ROBO1: variants seen among roughly 807,000 people sequenced by gnomAD.
ROBO1 encodes roundabout homolog 1.
In ROBO1, 149 loss-of-function variants were observed where a neutral mutation model predicts 195.9. The observed-to-expected ratio is 0.76, with a 90% CI of 0.67 to 0.87. ROBO1 has a LOEUF of 0.87. Among genes scored for constraint, ROBO1 ranks in the 40% least tolerant of loss-of-function variants. The pLI is 0.00. For synonymous variants in ROBO1, 816 were observed against 733.2 expected, an observed-to-expected ratio of 1.11 and a Z score of -1.82; for missense variants, 1,933 against 2,068.3, an observed-to-expected ratio of 0.93 and a Z score of 1.27.
chr3:79,308,950 T>G (rs998423224), intron 2 of ROBO1, among the ~76,000 whole-genome samples: 1 of 152,196 alleles, frequency 6.6e-6, no homozygotes, highest in African/African-American at 2.4e-5. Flanking sequence ...AGAGGAACAA[T>G]GTTTAAATCT....
chr3:79,220,468 A>G (rs2082119019), intron 2 of ROBO1, among the ~76,000 whole-genome samples: 1 of 152,082 alleles, frequency 6.6e-6, no homozygotes, highest in East Asian at 1.9e-4. Flanking sequence ...ATCCATTTCT[A>G]TTTCCAATTC....
chr3:79,405,032 T>A (rs559431745), intron 2 of ROBO1, among the ~76,000 whole-genome samples: 3 of 152,114 alleles, frequency 2.0e-5, no homozygotes, highest in Non-Finnish European at 4.4e-5. Flanking sequence ...CACTGCCCCA[T>A]TGAAATTATG....
chr3:79,005,546 CAA>C (rs986675777), intron 3 of ROBO1, among the ~76,000 whole-genome samples: 66 of 152,204 alleles, frequency 4.3e-4, no homozygotes, highest in African/African-American at 1.1e-3. Context: ...AAAGAGTTAA[CAA>C]AAGTTTCTTC....
chr3:79,522,868 TTGTC>T (rs1339685454), intron 2 of ROBO1, among the ~76,000 whole-genome samples: 19 of 152,266 alleles, frequency 1.2e-4, no homozygotes, highest in African/African-American at 4.6e-4. Flanking sequence ...ACTCCACTCA[TTGTC>T]TGGGAGGTCA....
chr3:79,550,033 G>A (rs1942419097), intron 2 of ROBO1, among the ~76,000 whole-genome samples: 1 of 151,754 alleles, frequency 6.6e-6, no homozygotes. Context: ...GCTAAGGCAG[G>A]AGGATCACTT....
At chr3:79,606,771 T>C (rs1206012820) in intron 1 of ROBO1, among the ~76,000 whole-genome samples, 2 of 151,978 alleles carry the variant, frequency 1.3e-5, no homozygotes, top group Non-Finnish European at 2.9e-5. Context: ...CATTTTATTA[T>C]TATTATATTT....
chr3:78,816,125 G>A (rs574063496), intron 4 of ROBO1, among the ~76,000 whole-genome samples: 2 of 152,242 alleles, frequency 1.3e-5, no homozygotes, highest in African/African-American at 4.8e-5. Context: ...TTCTTGGCAG[G>A]AGATAATGCA....
At chr3:78,930,394 C>T (rs979024971) in intron 4 of ROBO1, among the ~76,000 whole-genome samples, 4 of 152,166 alleles carry the variant, frequency 2.6e-5, no homozygotes, top group African/African-American at 9.7e-5. Context: ...AAACCCAGTA[C>T]ACTGGCCACA....
intron 3 of ROBO1, among the ~76,000 whole-genome samples, chr3:78,948,421 C>T (rs538370723): frequency 2.6e-5 from 4 of 152,214 alleles, no homozygotes; most frequent in East Asian, 1.9e-4. Flanking sequence ...AACCACATGA[C>T]TATCTCAATA....
intron 3 of ROBO1, among the ~76,000 whole-genome samples, chr3:79,054,294 A>G (rs537551082): frequency 6.6e-6 from 1 of 152,102 alleles, no homozygotes; most frequent in African/African-American, 2.4e-5. Context: ...TGTTTCTTTT[A>G]CTACAGTTAA....
chr3:78,994,877 A>G (rs1358528359), intron 3 of ROBO1, among the ~76,000 whole-genome samples: 1 of 152,116 alleles, frequency 6.6e-6, no homozygotes, highest in Non-Finnish European at 1.5e-5. Context: ...ATGACCTACC[A>G]TTTAATGGGA....
chr3:79,549,879 C>A (rs1450010276), intron 2 of ROBO1, among the ~76,000 whole-genome samples: 2 of 152,058 alleles, frequency 1.3e-5, no homozygotes, highest in African/African-American at 4.8e-5. Context: ...GTGACCTCAT[C>A]TTTGGGAGGT....
chr3:79,174,753 G>C (rs1437814925), intron 2 of ROBO1, among the ~76,000 whole-genome samples: 1 of 151,450 alleles, frequency 6.6e-6, no homozygotes, highest in Non-Finnish European at 1.5e-5. Context: ...CTACTCAAGA[G>C]GCTGAGGTAG....
intron 4 of ROBO1, among the ~76,000 whole-genome samples, chr3:78,809,079 A>C (rs2084643879): frequency 1.3e-5 from 2 of 152,172 alleles, no homozygotes; most frequent in African/African-American, 2.4e-5. Flanking sequence ...AATGGGAGAA[A>C]ATTTTTGCAA....
intron 1 of ROBO1, among the ~76,000 whole-genome samples, chr3:79,716,161 A>G (rs1328948196): frequency 6.6e-6 from 1 of 152,038 alleles, no homozygotes; most frequent in Non-Finnish European, 1.5e-5. Context: ...AAATTTAATC[A>G]TGATTAGATT....
chr3:79,061,400 C>T (rs1255680815), intron 3 of ROBO1, among the ~76,000 whole-genome samples: 1 of 152,074 alleles, frequency 6.6e-6, no homozygotes. Context: ...TAGGAAGAAT[C>T]AATATCATGA....
At position 79,588,346 on chromosome 3, in the gene ROBO1, C is replaced by T. The variant is rs74802877; in HGVS notation, c.88+1478G>A. On this transcript the variant is annotated intron_variant, in intron 2 of 30. Transcript: ENST00000464233. ...CACCATATATATTCATACATGCATT[C>T]CTTCTTCCACTAGACAGACACAGGT... Among the ~76,000 whole-genome samples the T allele has an allele frequency of 5.7e-3, 872 of 151,730 alleles. 8 individuals are homozygous for T. The highest frequency in any genetic ancestry group is 0.02 in the African/African-American group (824 of 41,474).
At chr3:79,586,546 A>G (rs1943835299) in intron 2 of ROBO1, among the ~76,000 whole-genome samples, 1 of 151,982 alleles carries the variant, frequency 6.6e-6, no homozygotes, top group Admixed American at 6.6e-5. Flanking sequence ...GCTTAACTTT[A>G]AAGTGTTCTG....
chr3:78,621,014 G>A (rs1426141189), intron 26 of ROBO1, among the ~76,000 whole-genome samples: 1 of 150,854 alleles, frequency 6.6e-6, no homozygotes, highest in East Asian at 2.0e-4. Context: ...ACACATATAT[G>A]TAATTATATA....
Sources: gnomAD v4.1 joint callset for allele counts (sites outside exome capture counted in the v4.1 genomes callset) on GRCh38, gnomAD v4.1.1 for gene constraint, MANE v1.5 for transcripts, NCBI Gene and HGNC (gene_info 2026-07-23, HGNC 2026-07-21) for gene names.